Variants in DLAT observed in about 807,000 individuals in gnomAD.
DLAT encodes dihydrolipoamide S-acetyltransferase, also known as dihydrolipoyllysine-residue acetyltransferase component of pyruvate dehydrogenase complex, mitochondrial.
A neutral mutation model predicts 68.0 loss-of-function variants in DLAT; 43 were observed. The observed-to-expected ratio is 0.63, with a 90% CI of 0.50 to 0.81. DLAT has a LOEUF of 0.81. DLAT is among the 40% of genes least tolerant of loss of function. DLAT has a pLI of 0.00. For missense variants in DLAT, 745 were observed against 815.4 expected (o/e 0.91, Z 1.05); for synonymous variants, 265 against 288.6 (o/e 0.92, Z 0.83).
rs587680809 is a variant in DLAT at position 112,049,218 on chromosome 11, T to A, written c.1399-2016T>A. The stretch of plus-strand genomic sequence containing the variant: ...ATCAAGATTGTTTTGTCTGAGTCCC[T>A]TGCAATTCTAAGTGAATTTTAGGAT... On this transcript the variant is annotated intron_variant, in intron 10 of 13. Coordinates refer to ENST00000280346, the MANE Select transcript of DLAT (RefSeq NM_001931.5). 4.6e-5 allele frequency among the ~76,000 whole-genome samples: 7 copies of A among 152,268 alleles called. No individual in the cohort carries two copies. In the East Asian group the frequency reaches 1.2e-3, roughly 25 times the overall value.
At chr11:112,061,371 A>C (rs1555183271) in intron 13 of DLAT, 197 bp downstream of exon 13, 1 of 597,848 alleles carries the variant, frequency 1.7e-6, no homozygotes, top group East Asian at 3.0e-5. Flanking sequence ...TTCTTGACTT[A>C]TAATAATACA....
At chr11:112,047,951 C>CT (rs1304997608) in intron 10 of DLAT, among the ~76,000 whole-genome samples, 1 of 152,084 alleles carries the variant, frequency 6.6e-6, no homozygotes, top group Non-Finnish European at 1.5e-5. Context: ...TATACGGGCC[C>CT]TTTTTTGGTT....
chr11:112,057,702 GT>G (rs1188094985), intron 11 of DLAT, among the ~76,000 whole-genome samples: 1 of 152,194 alleles, frequency 6.6e-6, no homozygotes, highest in Non-Finnish European at 1.5e-5. Context: ...GGCTCATGAG[GT>G]TGAAGGAAAG....
intron 6 of DLAT, 86 bp downstream of exon 6, chr11:112,037,546 T>C: frequency 7.6e-7 from 1 of 1,310,472 alleles, no homozygotes; most frequent in Non-Finnish European, 1.1e-6. Context: ...CCTAGGTTCC[T>C]TCCACCTCCA....
chr11:112,035,395 C>G (rs1430599473), intron 5 of DLAT, among the ~76,000 whole-genome samples: 1 of 152,174 alleles, frequency 6.6e-6, no homozygotes, highest in East Asian at 1.9e-4. Flanking sequence ...AACTTGAATA[C>G]CAGTGTCACT....
At chr11:112,044,508 T>C (rs587762636) in intron 8 of DLAT, among the ~76,000 whole-genome samples, 8 of 152,328 alleles carry the variant, frequency 5.3e-5, no homozygotes, top group Non-Finnish European at 1.2e-4. Context: ...TTAGCTTGTT[T>C]ATACTTATTT....
intron 11 of DLAT, among the ~76,000 whole-genome samples, chr11:112,057,963 G>A (rs1864203613): frequency 6.6e-6 from 1 of 152,188 alleles, no homozygotes; most frequent in South Asian, 2.1e-4. Flanking sequence ...AGACAACAGT[G>A]TAGTGTTAAG....
At position 112,064,182 on chromosome 11, in the gene DLAT, A is replaced by G. The variant is rs1555183606; in HGVS notation, c.*1647A>G. The G allele has an allele frequency of 1.3e-6, 2 of 1,571,084 alleles. No individual in the cohort carries two copies. Among genetic ancestry groups the G allele is most frequent in the Non-Finnish European group, 1.7e-6 (2 of 1,158,386 alleles). On this transcript the variant is annotated 3_prime_UTR_variant, in exon 14 of 14. Transcript: ENST00000280346. ...GGTTCAAACATTCAAAACTTCAAAG[A>G]TAATTCATCTTTCGCTAATGCTTGT...
chr11:112,028,419 T>G (rs959688587), intron 2 of DLAT, 96 bp from the exon 3 acceptor site: 37 of 977,690 alleles, frequency 3.8e-5, no homozygotes, highest in Non-Finnish European at 5.2e-5. Flanking sequence ...ACTCTGTGTC[T>G]CAAAAAAAAA....
chr11:112,026,892 T>A (rs587702974), intron 2 of DLAT, among the ~76,000 whole-genome samples: 3 of 151,158 alleles, frequency 2.0e-5, no homozygotes. Context: ...TAGGGGCGGC[T>A]GGGCAGAGGC....
intron 10 of DLAT, among the ~76,000 whole-genome samples, chr11:112,048,594 C>T (rs896167203): frequency 7.2e-5 from 11 of 152,262 alleles, no homozygotes; most frequent in Middle Eastern, 3.4e-3. Flanking sequence ...GGTGCAGTGG[C>T]GTGATCTTGG....
In DLAT at chr11:112,064,218, T is replaced by G. The variant is rs181058458; in HGVS notation, c.*1683T>G. The G allele has an allele frequency of 1.9e-6, 3 of 1,561,954 alleles. No individual in the cohort carries two copies. The East Asian group carries it at 6.9e-5, about 36-fold the overall frequency. On this transcript the variant is annotated 3_prime_UTR_variant, in exon 14 of 14. Coordinates refer to ENST00000280346, the MANE Select transcript of DLAT (RefSeq NM_001931.5). ...TTCGCTAATGCTTGTGGTTCTGTTGTTCCCTTGAAAAAAAATAAAAACAGT... is the reference window on the plus strand; with the variant it reads ...TTCGCTAATGCTTGTGGTTCTGTTGGTCCCTTGAAAAAAAATAAAAACAGT...
chr11:112,033,050 C>T (rs1555180095), intron 4 of DLAT, among the ~76,000 whole-genome samples: 3 of 152,006 alleles, frequency 2.0e-5, no homozygotes, highest in African/African-American at 4.8e-5. Context: ...GGGGACAGAG[C>T]AAGACTCTGT....
chr11:112,030,395 G>T (rs971416162), intron 4 of DLAT: 18 of 411,988 alleles, frequency 4.4e-5, no homozygotes, highest in Admixed American at 8.7e-5. Context: ...GGAAGTCGGG[G>T]GATCATATTT....
At chr11:112,031,732 C>A (rs1433842678) in intron 4 of DLAT, among the ~76,000 whole-genome samples, 2 of 145,790 alleles carry the variant, frequency 1.4e-5, no homozygotes, top group African/African-American at 5.1e-5. Context: ...TGCCACCATG[C>A]CCAGCTAATT....
Position 112,045,851 on chromosome 11 carries a change from C to G in DLAT, c.1291-12C>G, listed in dbSNP as rs1863288132. ...TCAAGATAATTGATTTTTTAAATCT[C>G]TTTGGTTTCAGGTTATTGCACAGCG... On this transcript the variant is annotated splice_polypyrimidine_tract_variant and intron_variant, in intron 9 of 13. Transcript: ENST00000280346. 5 of 1,559,790 alleles carry G rather than the reference C, an allele frequency of 3.2e-6. No individual in the cohort carries two copies. The highest frequency in any genetic ancestry group is 4.4e-6 in the Non-Finnish European group (5 of 1,130,970).
At chr11:112,057,264 T>C (rs1399076911) in intron 11 of DLAT, among the ~76,000 whole-genome samples, 1 of 152,230 alleles carries the variant, frequency 6.6e-6, no homozygotes, top group African/African-American at 2.4e-5. Flanking sequence ...ACAATAAAAC[T>C]GAAATCAGGC....
chr11:112,027,454 G>A (rs1277597341), intron 2 of DLAT, among the ~76,000 whole-genome samples: 5 of 151,538 alleles, frequency 3.3e-5, no homozygotes, highest in South Asian at 4.2e-4. Context: ...CGTCCCAGAC[G>A]ATGGGCGGCC....
rs782450612 is a variant in DLAT, at chr11:112,043,562, T to G, written c.1197+29T>G. 3.1e-6 allele frequency: 5 copies of G among 1,597,196 alleles called. No individual in the cohort carries two copies. The Admixed American group carries it at 8.3e-5, about 27-fold the overall frequency. On this transcript the variant is annotated intron_variant, in intron 8 of 13. Transcript: ENST00000280346. The stretch of plus-strand genomic sequence containing the variant: ...AGTTATGTGTAGCTCTTACTTTTTT[T>G]GCAGTTTGTCTCTACAGCCTGTTAG...
Sources: allele counts gnomAD v4.1 joint callset (sites outside exome capture counted in the v4.1 genomes callset), GRCh38; gene constraint gnomAD v4.1.1; transcripts MANE v1.5; gene names NCBI Gene and HGNC (gene_info 2026-07-23, HGNC 2026-07-21).